The following PDE4B variants were observed in gnomAD, a reference collection of about 807,000 sequenced individuals.
PDE4B encodes the protein 3',5'-cyclic-AMP phosphodiesterase 4B.
PDE4B carries 20 observed loss-of-function variants against 82.2 expected under a neutral mutation model. The ratio of observed to expected loss-of-function variants is 0.24; its 90% CI spans 0.17 to 0.35. PDE4B has a LOEUF of 0.35. Among genes scored for constraint, PDE4B ranks in the 10% least tolerant of loss-of-function variants. The probability of loss-of-function intolerance (pLI) is 1.00; values close to 1 mark genes in which losing one functional copy is unlikely to be tolerated. For missense variants in PDE4B, 655 were observed against 907.2 expected (o/e 0.72, Z 3.57); for synonymous variants, 320 against 318.9 (o/e 1.00, Z -0.04).
At chr1:65,978,025 AT>A (rs5774781) in intron 3 of PDE4B, among the ~76,000 whole-genome samples, 84,122 of 104,696 alleles carry the variant, frequency 0.8, 33,338 homozygotes, top group East Asian at 0.93. Context: ...TTAATTTTTA[AT>A]TTTTTTTTTT....
chr1:66,017,566 A>T (rs1283089782), intron 3 of PDE4B, among the ~76,000 whole-genome samples: 1 of 152,168 alleles, frequency 6.6e-6, no homozygotes, highest in African/African-American at 2.4e-5. Flanking sequence ...CAACTTTCTT[A>T]GTTCTAGGTT....
At chr1:66,050,860 C>A (rs1217241974) in intron 3 of PDE4B, 2 of 151,908 alleles carry the variant, frequency 1.3e-5, no homozygotes, top group Non-Finnish European at 2.9e-5. Context: ...AAAGGACAGA[C>A]TGAAAAATGA....
At chr1:65,848,692 A>T (rs1646295288) in intron 1 of PDE4B, among the ~76,000 whole-genome samples, 1 of 152,184 alleles carries the variant, frequency 6.6e-6, no homozygotes. Context: ...TCTGAGATTC[A>T]TTCATGTTGT....
chr1:65,886,597 C>A (rs924828026), intron 1 of PDE4B, among the ~76,000 whole-genome samples: 1 of 152,102 alleles, frequency 6.6e-6, no homozygotes, highest in Non-Finnish European at 1.5e-5. Context: ...CTACATGAGA[C>A]CAACTTTTGG....
intron 3 of PDE4B, among the ~76,000 whole-genome samples, chr1:66,096,751 A>G (rs2101008684): frequency 6.6e-6 from 1 of 151,672 alleles, no homozygotes; most frequent in South Asian, 2.1e-4. Flanking sequence ...CATTGTGACC[A>G]CTTCTAAAAA....
At chr1:65,799,013 C>T (rs1017758458) in intron 1 of PDE4B, among the ~76,000 whole-genome samples, 6 of 152,024 alleles carry the variant, frequency 3.9e-5, no homozygotes, top group Non-Finnish European at 8.8e-5. Context: ...GACACTTTAA[C>T]CTTAGAGAAA....
At chr1:66,300,013 G>T (rs1475828245) in intron 7 of PDE4B, among the ~76,000 whole-genome samples, 1 of 152,048 alleles carries the variant, frequency 6.6e-6, no homozygotes, top group Admixed American at 6.6e-5. Flanking sequence ...CAAACAAAAT[G>T]CATATTGGAA....
chr1:65,801,837 G>C (rs148334855), intron 1 of PDE4B, among the ~76,000 whole-genome samples: 378 of 152,276 alleles, frequency 2.5e-3, no homozygotes, highest in African/African-American at 8.0e-3. Context: ...TATTTAATGT[G>C]AGTTTGTTTC....
At chr1:65,987,288 T>C (rs1019575657) in intron 3 of PDE4B, among the ~76,000 whole-genome samples, 2 of 152,194 alleles carry the variant, frequency 1.3e-5, no homozygotes, top group African/African-American at 2.4e-5. Flanking sequence ...CTGATCTTTC[T>C]GAAGCACCAT....
At chr1:66,254,999 C>T (rs975454213) in intron 4 of PDE4B, among the ~76,000 whole-genome samples, 1 of 151,916 alleles carries the variant, frequency 6.6e-6, no homozygotes, top group Non-Finnish European at 1.5e-5. Flanking sequence ...GCTCCTTTCT[C>T]TCTCCTCTCT....
At chr1:65,970,901 A>G (rs1404662265) in intron 3 of PDE4B, among the ~76,000 whole-genome samples, 5 of 152,032 alleles carry the variant, frequency 3.3e-5, no homozygotes, top group Admixed American at 2.0e-4. Context: ...AATGAGGCCA[A>G]AGGAAAACCC....
chr1:65,827,990 A>G (rs954526837), intron 1 of PDE4B, among the ~76,000 whole-genome samples: 1 of 152,190 alleles, frequency 6.6e-6, no homozygotes, highest in Non-Finnish European at 1.5e-5. Context: ...CACTGAAGTG[A>G]CGTATTTAAA....
At chr1:66,235,887 G>A (rs1418462278) in intron 3 of PDE4B, among the ~76,000 whole-genome samples, 4 of 152,158 alleles carry the variant, frequency 2.6e-5, no homozygotes, top group Non-Finnish European at 1.5e-5. Flanking sequence ...CACAGTATGG[G>A]CAGCAGCATT....
intron 3 of PDE4B, among the ~76,000 whole-genome samples, chr1:66,010,353 A>C (rs1421967883): frequency 6.7e-6 from 1 of 150,120 alleles, no homozygotes; most frequent in Non-Finnish European, 1.5e-5. Context: ...TTTTCTTTAT[A>C]AAGAGAAAGA....
intron 7 of PDE4B, among the ~76,000 whole-genome samples, chr1:66,319,386 T>G (rs1212966176): frequency 1.3e-5 from 2 of 152,244 alleles, no homozygotes; most frequent in Admixed American, 1.3e-4. Flanking sequence ...AAATAACCCT[T>G]GTGTTCCCTC....
chr1:66,007,560 A>G (rs1318814036), intron 3 of PDE4B, among the ~76,000 whole-genome samples: 1 of 152,090 alleles, frequency 6.6e-6, no homozygotes, highest in Non-Finnish European at 1.5e-5. Flanking sequence ...TTGAAGAGCA[A>G]TGGTTCCACT....
intron 6 of PDE4B, among the ~76,000 whole-genome samples, chr1:66,260,223 G>T (rs1451177758): frequency 1.3e-5 from 2 of 152,150 alleles, no homozygotes; most frequent in East Asian, 1.9e-4. Context: ...AACTTAGGGA[G>T]AATAAATGAC....
chr1:66,268,413 T>C (rs954390990), intron 7 of PDE4B, among the ~76,000 whole-genome samples: 1 of 152,116 alleles, frequency 6.6e-6, no homozygotes, highest in African/African-American at 2.4e-5. Flanking sequence ...CTCATGCCTG[T>C]AATCCCAACA....
chr1:65,933,112 C>G (rs1475978531), intron 3 of PDE4B, among the ~76,000 whole-genome samples: 1 of 151,548 alleles, frequency 6.6e-6, no homozygotes, highest in African/African-American at 2.4e-5. Flanking sequence ...CCAGCAGATA[C>G]CAGATGAAAT....
Sources: gnomAD v4.1 joint callset for allele counts (sites outside exome capture counted in the v4.1 genomes callset) on GRCh38, gnomAD v4.1.1 for gene constraint, MANE v1.5 for transcripts, NCBI Gene and HGNC (gene_info 2026-07-23, HGNC 2026-07-21) for gene names.